Variants in TAFA2 observed in about 807,000 individuals in gnomAD.
The protein encoded by TAFA2 is chemokine-like protein TAFA-2.
Under a neutral mutation model 18.8 loss-of-function variants are expected in TAFA2, and 7 were observed. That is an observed-to-expected ratio of 0.37 (90% CI 0.21 to 0.70). TAFA2 has a LOEUF of 0.70. Ranked by LOEUF, TAFA2 falls within the 30% of genes least tolerant of loss-of-function variation. TAFA2 has a pLI of 0.53. For synonymous variants in TAFA2, 60 were observed against 54.2 expected, an observed-to-expected ratio of 1.11 and a Z score of -0.47; for missense variants, 122 against 158.1, an observed-to-expected ratio of 0.77 and a Z score of 1.23.
chr12:62,170,239 G>A (rs1383821891), intron 1 of TAFA2, among the ~76,000 whole-genome samples: 9 of 152,144 alleles, frequency 5.9e-5, no homozygotes, highest in Non-Finnish European at 1.0e-4. Flanking sequence ...TTGAGGTCCA[G>A]TGTTATCATA....
chr12:62,055,281 A>G (rs348635), intron 1 of TAFA2, among the ~76,000 whole-genome samples: 54,630 of 152,046 alleles, frequency 0.36, 9,992 homozygotes, highest in African/African-American at 0.41. Flanking sequence ...ATTTTGTTAC[A>G]AAATCCCAAA....
chr12:62,240,098 TA>T (rs2062855553), intron 1 of TAFA2, among the ~76,000 whole-genome samples: 2 of 151,080 alleles, frequency 1.3e-5, no homozygotes, highest in Admixed American at 1.3e-4. Flanking sequence ...AAATATATAC[TA>T]AATATGTTAT....
intron 1 of TAFA2, among the ~76,000 whole-genome samples, chr12:62,031,514 A>AAC (rs749251713): frequency 7.9e-5 from 12 of 151,546 alleles, no homozygotes; most frequent in Admixed American, 2.0e-4. Flanking sequence ...GAGACACACA[A>AAC]ACACACACAC....
chr12:62,117,912 G>A (rs1013087345), intron 1 of TAFA2, among the ~76,000 whole-genome samples: 3 of 151,980 alleles, frequency 2.0e-5, no homozygotes, highest in Non-Finnish European at 2.9e-5. Flanking sequence ...CACAGAATTG[G>A]ATTAATAATA....
chr12:62,052,425 C>T (rs1882081091), intron 1 of TAFA2, among the ~76,000 whole-genome samples: 1 of 152,170 alleles, frequency 6.6e-6, no homozygotes, highest in Non-Finnish European at 1.5e-5. Flanking sequence ...CTCCTGGCCT[C>T]AGGTGATCTG....
chr12:62,155,901 G>C (rs538254059), intron 1 of TAFA2, among the ~76,000 whole-genome samples: 1 of 152,096 alleles, frequency 6.6e-6, no homozygotes, highest in African/African-American at 2.4e-5. Flanking sequence ...TTTCATGATC[G>C]AGAACCCAAA....
intron 1 of TAFA2, among the ~76,000 whole-genome samples, chr12:62,139,162 G>T (rs1440017255): frequency 2.6e-5 from 4 of 152,100 alleles, no homozygotes; most frequent in African/African-American, 9.7e-5. Flanking sequence ...TAAAAGGTGT[G>T]TTAGGGGAAA....
At chr12:62,051,082 G>C (rs1010162571) in intron 1 of TAFA2, among the ~76,000 whole-genome samples, 1 of 152,148 alleles carries the variant, frequency 6.6e-6, no homozygotes, top group South Asian at 2.1e-4. Flanking sequence ...CCTTAGTGTT[G>C]CTAAATTATA....
chr12:62,120,282 G>A (rs371953148), intron 1 of TAFA2, among the ~76,000 whole-genome samples: 5 of 152,042 alleles, frequency 3.3e-5, no homozygotes, highest in African/African-American at 7.2e-5. Context: ...CTTCAACTAC[G>A]TCTGTAATTA....
chr12:61,751,220 A>G (rs567232631), intron 4 of TAFA2, among the ~76,000 whole-genome samples: 3 of 152,158 alleles, frequency 2.0e-5, no homozygotes, highest in Admixed American at 2.0e-4. Context: ...TGGCTGAGCA[A>G]TAATAGCCTG....
At chr12:61,772,259 C>T (rs149624526) in intron 2 of TAFA2, among the ~76,000 whole-genome samples, 14 of 151,952 alleles carry the variant, frequency 9.2e-5, no homozygotes, top group African/African-American at 3.4e-4. Context: ...AAAAACAAGT[C>T]CAGGATCAGA....
At chr12:62,175,948 C>T (rs1283071223) in intron 1 of TAFA2, among the ~76,000 whole-genome samples, 1 of 151,674 alleles carries the variant, frequency 6.6e-6, no homozygotes, top group Non-Finnish European at 1.5e-5. Context: ...AACCTGTTCC[C>T]ACCTTTTTCA....
chr12:62,255,357 A>G (rs1051813782), intron 1 of TAFA2: 8 of 152,196 alleles, frequency 5.3e-5, no homozygotes, highest in Non-Finnish European at 8.8e-5. Context: ...AAGTAGGCAG[A>G]TTTTTCCTAC....
Position 62,076,927 on chromosome 12 carries a change from A to T in TAFA2, c.-2+114332T>A, listed in dbSNP as rs940230170. ...TAAAACTGGAACCTCTGAGAAGGAG[A>T]AAAGAGCTCATGAGTGGAAGTCTAA... On this transcript the variant is annotated intron_variant, in intron 1 of 4. Transcript: ENST00000416284. Among the ~76,000 whole-genome samples, 3 of 152,212 alleles carry T rather than the reference A, an allele frequency of 2.0e-5. No individual in the cohort carries two copies. In the East Asian group the frequency reaches 5.8e-4, roughly 29 times the overall value.
chr12:61,791,669 A>C (rs1870985937), intron 2 of TAFA2, among the ~76,000 whole-genome samples: 2 of 151,958 alleles, frequency 1.3e-5, no homozygotes, highest in East Asian at 1.9e-4. Flanking sequence ...CCACAGTGAG[A>C]TATCAACTCA....
At chr12:61,910,941 T>C (rs892305675) in intron 1 of TAFA2, among the ~76,000 whole-genome samples, 1 of 152,184 alleles carries the variant, frequency 6.6e-6, no homozygotes, top group African/African-American at 2.4e-5. Flanking sequence ...AAAGATCAGA[T>C]GTTTGACTGT....
intron 2 of TAFA2, among the ~76,000 whole-genome samples, chr12:61,794,514 G>GA (rs1402211535): frequency 2.6e-5 from 4 of 151,948 alleles, no homozygotes; most frequent in Admixed American, 2.0e-4. Flanking sequence ...ATTGATAAAA[G>GA]AAATTAAGAT....
intron 1 of TAFA2, among the ~76,000 whole-genome samples, chr12:62,159,176 A>T (rs748665928): frequency 9.9e-5 from 15 of 152,198 alleles, no homozygotes; most frequent in Non-Finnish European, 1.9e-4. Flanking sequence ...CACGTTTTTA[A>T]GGTTGAAGTT....
intron 1 of TAFA2, among the ~76,000 whole-genome samples, chr12:61,909,498 A>C (rs1366582224): frequency 1.1e-4 from 17 of 152,202 alleles, no homozygotes; most frequent in Admixed American, 1.1e-3. Context: ...AAAGAAAATC[A>C]ATCTCTGTAG....
Sources: allele counts gnomAD v4.1 joint callset (sites outside exome capture counted in the v4.1 genomes callset), GRCh38; gene constraint gnomAD v4.1.1; transcripts MANE v1.5; gene names NCBI Gene and HGNC (gene_info 2026-07-23, HGNC 2026-07-21).